Variants in RPS6KC1 observed in about 807,000 individuals in gnomAD.
RPS6KC1 encodes the protein inactive ribosomal protein S6 kinase delta-1.
Under a neutral mutation model 103.8 loss-of-function variants are expected in RPS6KC1, and 54 were observed. The observed-to-expected ratio is 0.52, with a 90% CI of 0.42 to 0.65. The LOEUF (loss-of-function observed/expected upper bound fraction) is 0.65, where lower values mean the gene tolerates loss of function less well. Ranked by LOEUF, RPS6KC1 falls within the 30% of genes least tolerant of loss-of-function variation. RPS6KC1 has a pLI of 0.00. For missense variants in RPS6KC1, 1,151 were observed against 1,253.8 expected (o/e 0.92, Z 1.24); for synonymous variants, 439 against 438.7 (o/e 1.00, Z -0.01).
At chr1:213,561,588 C>G in the RPS6KC1 span, among the ~76,000 whole-genome samples, 2 of 152,200 alleles carry the variant, frequency 1.3e-5, no homozygotes, top group Non-Finnish European at 2.9e-5. Context: ...GGCTCCCTTA[C>G]CACTGTTGCC....
intron 6 of RPS6KC1, among the ~76,000 whole-genome samples, chr1:213,162,152 T>A (rs2090532309): frequency 1.3e-5 from 2 of 152,238 alleles, no homozygotes; most frequent in African/African-American, 4.8e-5. Flanking sequence ...GATGTTTTAA[T>A]CTTAATTTTT....
chr1:213,737,182 C>T, the RPS6KC1 span, among the ~76,000 whole-genome samples: 2 of 152,196 alleles, frequency 1.3e-5, no homozygotes, highest in African/African-American at 4.8e-5. Context: ...AGAATTCAGC[C>T]TCTTGACATG....
At chr1:213,400,435 T>C in the RPS6KC1 span, among the ~76,000 whole-genome samples, 1 of 152,214 alleles carries the variant, frequency 6.6e-6, no homozygotes, top group Non-Finnish European at 1.5e-5. Context: ...ATTTATTCAT[T>C]GATGCTATAG....
chr1:213,560,449 T>G, the RPS6KC1 span, among the ~76,000 whole-genome samples: 1 of 152,164 alleles, frequency 6.6e-6, no homozygotes, highest in Non-Finnish European at 1.5e-5. Flanking sequence ...GTGGCCTCTC[T>G]GAGCTGAGTG....
chr1:213,363,604 C>CGCTTGCTT, the RPS6KC1 span, among the ~76,000 whole-genome samples: 1,091 of 84,646 alleles, frequency 0.013, 63 homozygotes, highest in East Asian at 0.016. Context: ...CTTGCTCGCT[C>CGCTTGCTT]GCTTGCTTGC....
the RPS6KC1 span, among the ~76,000 whole-genome samples, chr1:213,687,762 T>G: frequency 0.086 from 13,166 of 152,296 alleles, 671 homozygotes; most frequent in African/African-American, 0.11. Context: ...CGTGATTATT[T>G]ATCAATAATC....
the RPS6KC1 span, among the ~76,000 whole-genome samples, chr1:213,769,492 G>GGAGA: frequency 4.4e-5 from 6 of 135,624 alleles, no homozygotes; most frequent in African/African-American, 1.4e-4. Context: ...AACTCCACCT[G>GGAGA]GAGAGAGAGA....
At chr1:213,582,422 C>A in the RPS6KC1 span, among the ~76,000 whole-genome samples, 2 of 152,070 alleles carry the variant, frequency 1.3e-5, no homozygotes, top group African/African-American at 4.8e-5. Flanking sequence ...TGTCAAAACA[C>A]CTAAAATCCT....
chr1:213,135,972 G>A (rs992390731), intron 6 of RPS6KC1, among the ~76,000 whole-genome samples: 3 of 152,108 alleles, frequency 2.0e-5, no homozygotes, highest in South Asian at 4.1e-4. Flanking sequence ...TAGCAAAATC[G>A]TAACCAACTC....
chr1:213,659,105 C>T, the RPS6KC1 span, among the ~76,000 whole-genome samples: 18 of 152,090 alleles, frequency 1.2e-4, no homozygotes, highest in African/African-American at 3.6e-4. Flanking sequence ...GCTGGGATTA[C>T]AGGTGCCTGC....
the RPS6KC1 span, among the ~76,000 whole-genome samples, chr1:213,831,595 G>C: frequency 1.3e-5 from 2 of 152,188 alleles, no homozygotes; most frequent in Non-Finnish European, 2.9e-5. Flanking sequence ...ATAGCAGGAG[G>C]AAACTAATAT....
intron 6 of RPS6KC1, among the ~76,000 whole-genome samples, chr1:213,162,068 C>T (rs895640118): frequency 6.6e-6 from 1 of 152,094 alleles, no homozygotes; most frequent in Non-Finnish European, 1.5e-5. Context: ...TTTATTCCTT[C>T]TCATAAGGAA....
At chr1:213,598,573 A>G in the RPS6KC1 span, among the ~76,000 whole-genome samples, 1 of 152,024 alleles carries the variant, frequency 6.6e-6, no homozygotes, top group African/African-American at 2.4e-5. Flanking sequence ...AAAATCAGAA[A>G]CTCTCCCGGA....
the RPS6KC1 span, among the ~76,000 whole-genome samples, chr1:213,767,651 G>A: frequency 6.6e-6 from 1 of 152,184 alleles, no homozygotes; most frequent in Non-Finnish European, 1.5e-5. Flanking sequence ...CATTGGGAAG[G>A]AGAGAGAAGA....
At chr1:213,059,693 A>G (rs2077649242) in intron 1 of RPS6KC1, among the ~76,000 whole-genome samples, 1 of 147,270 alleles carries the variant, frequency 6.8e-6, no homozygotes, top group Admixed American at 6.8e-5. Context: ...TTTTTTTTTG[A>G]GACGCATCTC....
intron 6 of RPS6KC1, 44 bp from the exon 7 acceptor site, chr1:213,167,814 C>A: frequency 7.7e-7 from 1 of 1,291,150 alleles, no homozygotes. Context: ...TCAGGTTGAA[C>A]TGAGGAAAAT....
the RPS6KC1 span, among the ~76,000 whole-genome samples, chr1:213,288,807 T>G: frequency 6.6e-6 from 1 of 152,200 alleles, no homozygotes; most frequent in Non-Finnish European, 1.5e-5. Flanking sequence ...GGTAGAAGCC[T>G]GCTGTTCAGT....
chr1:213,712,664 C>G, the RPS6KC1 span, among the ~76,000 whole-genome samples: 2 of 152,302 alleles, frequency 1.3e-5, no homozygotes, highest in South Asian at 4.1e-4. Context: ...AGGGAATCTC[C>G]TGGTCTGCAG....
chr1:213,444,986 G>A, the RPS6KC1 span, among the ~76,000 whole-genome samples: 5 of 152,212 alleles, frequency 3.3e-5, no homozygotes, highest in East Asian at 9.7e-4. Context: ...GAAACCCCAT[G>A]CCACTTAGCC....
Sources: allele counts gnomAD v4.1 joint callset (sites outside exome capture counted in the v4.1 genomes callset), GRCh38; gene constraint gnomAD v4.1.1; transcripts MANE v1.5; gene names NCBI Gene and HGNC (gene_info 2026-07-23, HGNC 2026-07-21).